ADAP1: variants seen among roughly 807,000 people sequenced by gnomAD.
The protein encoded by ADAP1 is ArfGAP with dual PH domains 1, also known as arf-GAP with dual PH domain-containing protein 1.
In ADAP1, 31 loss-of-function variants were observed where a neutral mutation model predicts 54.9. The observed-to-expected ratio is 0.56, with a 90% CI of 0.42 to 0.76. The LOEUF is 0.76. ADAP1 is among the 30% of genes least tolerant of loss of function. The pLI, the probability that ADAP1 is intolerant of heterozygous loss-of-function variation, is 0.00. For missense variants in ADAP1, 535 were observed against 512.4 expected (o/e 1.04, Z -0.42); for synonymous variants, 313 against 202.6 (o/e 1.55, Z -4.63).
chr7:906,369 GAAAGGA>G lies in ADAP1; in HGVS notation c.389-1203_389-1198del, dbSNP rs1845328396. Among the ~76,000 whole-genome samples the G allele has an allele frequency of 1.2e-4, 2 of 16,370 alleles. 1 individual carries two copies. Among genetic ancestry groups the G allele is most frequent in the Non-Finnish European group, 2.2e-4 (2 of 9,208 alleles). The allele number at this position is 16,370 out of a possible 152,430, so 10.7% of individuals were successfully genotyped here. A position where few individuals can be genotyped will look rare whatever the true frequency, so the allele number is the denominator to read the frequency against. On this transcript the variant is annotated intron_variant, in intron 4 of 10. Coordinates refer to ENST00000265846, the MANE Select transcript of ADAP1 (RefSeq NM_006869.4). ...AAGGGAAAGGAGAAAGGGAGAAAGA[GAAAGGA>G]GAAAGGAGAAAGGAGAAAGGAGAAA...
chr7:937,124 A>ATTTGGGGGTCACGCCCGG (rs1846788660), intron 1 of ADAP1, among the ~76,000 whole-genome samples: 1 of 43,442 alleles, frequency 2.3e-5, no homozygotes, highest in Admixed American at 2.5e-4. Context: ...GTCACGCCCG[A>ATTTGGGGGTCACGCCCGG]CCTCTGGGAT....
At chr7:919,819 AT>A in intron 4 of ADAP1, 148 bp downstream of exon 4, 1 of 130,230 alleles carries the variant, frequency 7.7e-6, no homozygotes, top group South Asian at 6.0e-5. Flanking sequence ...AGGGAGGGAG[AT>A]GGGGGAGGGA....
intron 8 of ADAP1, among the ~76,000 whole-genome samples, 175 bp from the exon 9 acceptor site, chr7:899,665 G>A (rs1482184299): frequency 6.6e-6 from 1 of 152,138 alleles, no homozygotes; most frequent in Non-Finnish European, 1.5e-5. Flanking sequence ...CTGTCCTCCA[G>A]CCTCCACACG....
chr7:905,272 C>CA lies in ADAP1; in HGVS notation c.389-101_389-100insT, dbSNP rs1554271602. ...ACAGAGGGGACATGGGGAGAAGACA[C>CA]GGGGGACACGGACGGGGGACACGGA... On this transcript the variant is annotated intron_variant, in intron 4 of 10. Transcript: ENST00000265846. 85 of 318,798 alleles carry CA rather than the reference C, an allele frequency of 2.7e-4. 3 individuals are homozygous for CA. In the African/African-American group the frequency reaches 4.1e-3, roughly 16 times the overall value. The allele number at this position is 318,798 out of a possible 1,614,324, so 19.7% of individuals were successfully genotyped here.
At chr7:902,452 C>CAA (rs1292542590) in intron 6 of ADAP1, among the ~76,000 whole-genome samples, 1 of 38,768 alleles carries the variant, frequency 2.6e-5, no homozygotes, top group Non-Finnish European at 4.5e-5. Flanking sequence ...GGGCGAAACT[C>CAA]TGCCTCAAAA....
chr7:929,078 G>A (rs1281895606), intron 2 of ADAP1, among the ~76,000 whole-genome samples: 3 of 152,154 alleles, frequency 2.0e-5, no homozygotes, highest in Non-Finnish European at 4.4e-5. Context: ...CAGATCACGA[G>A]GTCAGGAGTT....
chr7:903,508 G>A (rs1366555095), intron 6 of ADAP1, among the ~76,000 whole-genome samples: 5 of 152,190 alleles, frequency 3.3e-5, no homozygotes, highest in Admixed American at 2.0e-4. Context: ...GCACACAGAC[G>A]TGTGATAAAC....
In ADAP1 at chr7:926,630, G is replaced by A. The variant is rs1008760311; in HGVS notation, c.228C>T (p.His76=). ...EEAQVEFMAS[H]GNDAARARFE... is the part of the protein sequence containing the mutation. ...ACCTGGCTCTCGCGGCGTCGTTCCC[G>A]TGGGAGGCCATGAACTGCAAGAGAG... The change falls in exon 3 of 11, where the codon CAC becomes CAT. Residue 76 remains histidine (H), a synonymous_variant. Coordinates refer to ENST00000265846, the MANE Select transcript of ADAP1 (RefSeq NM_006869.4). This position sits in a 1 kb window ranked among gnomAD's most constrained non-coding sequence, Gnocchi z 4.6. 3.6e-5 allele frequency: 55 copies of A among 1,544,472 alleles called. No homozygotes were observed. The highest frequency in any genetic ancestry group is 7.5e-5 in the East Asian group (3 of 40,086).
chr7:947,214 GTT>G (rs373444087), intron 1 of ADAP1, among the ~76,000 whole-genome samples: 2,545 of 84,160 alleles, frequency 0.03, 104 homozygotes, highest in African/African-American at 0.1. Flanking sequence ...TGATTTTTTG[GTT>G]TTTTTTTTTT....
rs549315920 is a variant in ADAP1, at chr7:945,115, A to C, written c.82+9281T>G. On this transcript the variant is annotated intron_variant, in intron 1 of 10. Transcript: ENST00000265846. The surrounding 1 kb of genome is among the most constrained non-coding windows in gnomAD (Gnocchi z 4.2). ...AGAGTCCCCCAGCTTCCAGTAAGGA[A>C]AAAGCCTGGCTGGTCCCCAAGGCAG... Among the ~76,000 whole-genome samples the C allele has an allele frequency of 1.4e-4, 22 of 152,122 alleles. No homozygotes were observed. The highest frequency in any genetic ancestry group is 2.6e-4 in the Admixed American group (4 of 15,280).
At chr7:922,550 T>G (rs1292671937) in intron 3 of ADAP1, among the ~76,000 whole-genome samples, 2 of 152,134 alleles carry the variant, frequency 1.3e-5, no homozygotes, top group African/African-American at 4.8e-5. Flanking sequence ...GTGACCCCCA[T>G]AGCGGGTGCT....
intron 4 of ADAP1, among the ~76,000 whole-genome samples, chr7:909,453 A>G (rs1460842277): frequency 6.6e-6 from 1 of 152,144 alleles, no homozygotes; most frequent in Non-Finnish European, 1.5e-5. Context: ...AGGCGCCAGG[A>G]CGCCGCATTC....
At chr7:955,182 AC>A, upstream of ADAP1, 1 of 938,008 alleles carries the variant, frequency 1.1e-6, no homozygotes, top group Non-Finnish European at 1.7e-6. Flanking sequence ...GCCGCCCACC[AC>A]CCACAGATGG....
intron 3 of ADAP1, among the ~76,000 whole-genome samples, chr7:921,789 C>T (rs531507847): frequency 2.6e-5 from 4 of 152,304 alleles, no homozygotes; most frequent in South Asian, 4.1e-4. Flanking sequence ...CTCAGAGTCA[C>T]GGGAGGACCG....
intron 1 of ADAP1, among the ~76,000 whole-genome samples, chr7:949,208 G>T (rs576508907): frequency 6.6e-6 from 1 of 152,336 alleles, no homozygotes; most frequent in African/African-American, 2.4e-5. Context: ...GGAGTCCAGG[G>T]TAGGGCACCA....
intron 2 of ADAP1, among the ~76,000 whole-genome samples, chr7:932,448 G>C (rs576795720): frequency 2.0e-5 from 3 of 152,224 alleles, no homozygotes; most frequent in African/African-American, 7.2e-5. Context: ...TCTTCTCCCC[G>C]AGCCAAGGAG....
rs1846409091 is a variant in ADAP1 at position 926,881 on chromosome 7, G to C, written c.214-237C>G. On this transcript the variant is annotated intron_variant, in intron 2 of 10. Coordinates refer to ENST00000265846, the MANE Select transcript of ADAP1 (RefSeq NM_006869.4). This position sits in a 1 kb window ranked among gnomAD's most constrained non-coding sequence, Gnocchi z 4.6. ...TCCCTAACGACGGGGTCCCGGCAAA[G>C]GGGGCCCAGGGGCCAGGCCCCTTTT... The C allele has an allele frequency of 1.0e-6, 1 of 952,766 alleles. No homozygotes were observed. Among genetic ancestry groups the C allele is most frequent in the African/African-American group, 1.7e-5 (1 of 58,026 alleles). The allele number at this position is 952,766 out of a possible 1,614,324, so 59.0% of individuals were successfully genotyped here. A position where few individuals can be genotyped will look rare whatever the true frequency, so the allele number is the denominator to read the frequency against.
chr7:910,158 C>A lies in ADAP1; in HGVS notation c.389-4986G>T, dbSNP rs555682701. On this transcript the variant is annotated intron_variant, in intron 4 of 10. Coordinates refer to ENST00000265846, the MANE Select transcript of ADAP1 (RefSeq NM_006869.4). Reference sequence around the variant, plus strand: ...AGGTGCCCCAGTCCCTGGAAAGCAGCCAGGCCGTTTCTTCCACCACAGTGA... The same window carrying A: ...AGGTGCCCCAGTCCCTGGAAAGCAGACAGGCCGTTTCTTCCACCACAGTGA... 2.0e-5 allele frequency among the ~76,000 whole-genome samples: 3 copies of A among 152,350 alleles called. No homozygotes were observed. The South Asian group carries it at 6.2e-4, about 32-fold the overall frequency.
chr7:916,792 C>T (rs567119097), intron 4 of ADAP1, among the ~76,000 whole-genome samples: 8 of 152,210 alleles, frequency 5.3e-5, no homozygotes, highest in African/African-American at 1.4e-4. Context: ...AGGGCAGAGC[C>T]GACAGGACCG....
Sources: allele counts gnomAD v4.1 joint callset (sites outside exome capture counted in the v4.1 genomes callset), GRCh38; gene constraint gnomAD v4.1.1; non-coding constraint Gnocchi (gnomAD v3.1); transcripts MANE v1.5; gene names NCBI Gene and HGNC (gene_info 2026-07-23, HGNC 2026-07-21).